The following HMCN1 variants were observed in gnomAD, a reference collection of about 807,000 sequenced individuals.
HMCN1 encodes hemicentin 1.
Under a neutral mutation model 625.9 loss-of-function variants are expected in HMCN1, and 321 were observed. The ratio of observed to expected loss-of-function variants is 0.51; its 90% CI spans 0.47 to 0.56. The LOEUF is 0.56. HMCN1 is among the 20% of genes least tolerant of loss of function. The pLI is 0.00. For missense variants in HMCN1, 6,588 were observed against 6,887.3 expected (o/e 0.96, Z 1.54); for synonymous variants, 2,425 against 2,417.6 (o/e 1.00, Z -0.09).
chr1:186,112,911 A>G lies in HMCN1; in HGVS notation c.11089A>G (p.Ile3697Val). Residue 3697 changes from isoleucine to valine, a missense_variant, in exon 72 of 107, where the codon ATT becomes GTT. Ile to Val is a conservative substitution (Grantham distance 29). Coordinates refer to ENST00000271588, the MANE Select transcript of HMCN1 (RefSeq NM_031935.3). ...TANYTCVASN[I>V]AGKTTREFIL... ...CAATTATACCTGTGTTGCCAGCAAC[A>G]TTGCAGGAAAGACTACAAGAGAATT... 1 of 1,614,158 alleles carries G rather than the reference A, an allele frequency of 6.2e-7. No homozygotes were observed. The highest frequency in any genetic ancestry group is 1.7e-5 in the Admixed American group (1 of 60,034).
At position 186,090,966 on chromosome 1, in the gene HMCN1, A is replaced by G. The variant is rs753728065; in HGVS notation, c.9887+49A>G. The G allele has an allele frequency of 1.9e-5, 29 of 1,525,050 alleles. No homozygotes were observed. In the Admixed American group the frequency reaches 4.4e-4, roughly 23 times the overall value. 94.5% of individuals were successfully genotyped at this position (1,525,050 alleles called of 1,614,324 possible). A position where few individuals can be genotyped will look rare whatever the true frequency, so the allele number is the denominator to read the frequency against. ...ATTATAAATTGTAAGCCCTTCTACA[A>G]TGCTTTATGCTTCAAATTTCACATG... On this transcript the variant is annotated intron_variant, in intron 64 of 106. Coordinates refer to ENST00000271588, the MANE Select transcript of HMCN1 (RefSeq NM_031935.3).
intron 76 of HMCN1, 146 bp from the exon 77 acceptor site, chr1:186,117,313 A>C: frequency 8.6e-7 from 1 of 1,161,718 alleles, no homozygotes; most frequent in Non-Finnish European, 1.2e-6. Context: ...CCCAGGTATT[A>C]ACCCAGAAAT....
chr1:185,814,734 C>G (rs1659739501), intron 1 of HMCN1, among the ~76,000 whole-genome samples: 1 of 148,702 alleles, frequency 6.7e-6, no homozygotes, highest in African/African-American at 2.6e-5. Flanking sequence ...CTCTGTAGCC[C>G]AGGCTGGAGT....
At chr1:186,001,571 A>G (rs1047114277) in intron 27 of HMCN1, 23 bp from the exon 28 acceptor site, 2 of 1,612,568 alleles carry the variant, frequency 1.2e-6, no homozygotes, top group African/African-American at 1.3e-5. Context: ...TGGAAATAAC[A>G]CTGACCATTT....
At chr1:185,836,368 T>C (rs1234815079) in intron 1 of HMCN1, among the ~76,000 whole-genome samples, 1 of 152,208 alleles carries the variant, frequency 6.6e-6, no homozygotes, top group African/African-American at 2.4e-5. Flanking sequence ...CTTTCAGCAC[T>C]TGTCCTTATG....
chr1:186,107,560 T>C lies in HMCN1; in HGVS notation c.10852+595T>C, dbSNP rs149536111. 3.7e-3 allele frequency among the ~76,000 whole-genome samples: 567 copies of C among 152,362 alleles called. 4 individuals carry two copies. The highest frequency in any genetic ancestry group is 0.013 in the African/African-American group (540 of 41,586). On this transcript the variant is annotated intron_variant, in intron 70 of 106. Transcript: ENST00000271588. ...ACTTGCTTTTATCTCAATGGTTTGG[T>C]GAACATTTTCATGTCAAGAAATACA...
intron 4 of HMCN1, among the ~76,000 whole-genome samples, chr1:185,866,907 A>G (rs1163295932): frequency 6.6e-6 from 1 of 151,486 alleles, no homozygotes; most frequent in Non-Finnish European, 1.5e-5. Flanking sequence ...CAGGATATGC[A>G]GGTTTGTTAC....
Position 186,112,938 on chromosome 1 carries a change from A to G in HMCN1, c.11116A>G (p.Ile3706Val), listed in dbSNP as rs1446153904. ...TGCAGGAAAGACTACAAGAGAATTT[A>G]TTCTCACTGTAAATGGTAAGAAAAG... is the stretch of plus-strand genomic sequence containing the variant. ...NIAGKTTREF[I>V]LTVNVPPNIK... Residue 3706 changes from isoleucine to valine, a missense_variant, in exon 72 of 107, where the codon ATT (isoleucine) becomes GTT (valine). Transcript: ENST00000271588. 6.2e-7 allele frequency: 1 copy of G among 1,613,974 alleles called. No individual in the cohort carries two copies. The highest frequency in any genetic ancestry group is 1.3e-5 in the African/African-American group (1 of 74,936).
At chr1:185,930,859 T>G (rs1468078850) in intron 10 of HMCN1, among the ~76,000 whole-genome samples, 1 of 151,672 alleles carries the variant, frequency 6.6e-6, no homozygotes, top group Admixed American at 6.6e-5. Context: ...TAAGTTATAT[T>G]AATTATCTGT....
At chr1:186,175,888 AAAAGAAAGAAAAGAAAAGAAAAG>A (rs1005736485) in intron 103 of HMCN1, among the ~76,000 whole-genome samples, 2 of 148,366 alleles carry the variant, frequency 1.3e-5, no homozygotes, top group Non-Finnish European at 3.0e-5. Flanking sequence ...AAAAAAAAAA[AAAAGAAAGAAAAGAAAAGAAAAG>A]AAAGAAAGAA....
At chr1:185,836,470 T>G (rs1428728200) in intron 1 of HMCN1, among the ~76,000 whole-genome samples, 1 of 152,180 alleles carries the variant, frequency 6.6e-6, no homozygotes, top group Non-Finnish European at 1.5e-5. Flanking sequence ...TTGGCTTATT[T>G]TTCTCCATGG....
At chr1:185,753,693 A>G (rs1654955299) in intron 1 of HMCN1, among the ~76,000 whole-genome samples, 1 of 152,066 alleles carries the variant, frequency 6.6e-6, no homozygotes, top group Non-Finnish European at 1.5e-5. Context: ...AACATTTCTT[A>G]TTTAAGAGTA....
chr1:185,894,603 T>C (rs1407426), intron 4 of HMCN1, among the ~76,000 whole-genome samples: 54,063 of 152,086 alleles, frequency 0.36, 12,583 homozygotes, highest in African/African-American at 0.66. Flanking sequence ...TTTACATTCC[T>C]GTCACCCATG....
chr1:185,897,389 A>G (rs1665548620), intron 4 of HMCN1, among the ~76,000 whole-genome samples: 1 of 152,144 alleles, frequency 6.6e-6, no homozygotes, highest in South Asian at 2.1e-4. Context: ...GAACTCCTTC[A>G]GTGACTTCCA....
intron 1 of HMCN1, among the ~76,000 whole-genome samples, chr1:185,804,882 G>T (rs897604799): frequency 5.3e-5 from 8 of 152,024 alleles, no homozygotes; most frequent in African/African-American, 1.9e-4. Context: ...GATTCCTGCT[G>T]TTAGAAAGTA....
chr1:185,905,056 C>T (rs1666020968), intron 4 of HMCN1, among the ~76,000 whole-genome samples: 2 of 151,894 alleles, frequency 1.3e-5, no homozygotes, highest in African/African-American at 4.8e-5. Flanking sequence ...AAATTAAATA[C>T]AATGTGATGC....
intron 4 of HMCN1, among the ~76,000 whole-genome samples, chr1:185,896,279 C>G (rs1665486868): frequency 1.3e-5 from 2 of 152,024 alleles, no homozygotes; most frequent in African/African-American, 4.8e-5. Flanking sequence ...GACATGAACT[C>G]TTTTTAATGT....
chr1:185,742,455 T>C (rs887867765), intron 1 of HMCN1, among the ~76,000 whole-genome samples: 1 of 152,172 alleles, frequency 6.6e-6, no homozygotes, highest in African/African-American at 2.4e-5. Context: ...CTTAGAATAT[T>C]TTTCTGAGCA....
At position 186,055,565 on chromosome 1, in the gene HMCN1, T is replaced by C; in HGVS notation, c.7035T>C (p.Gly2345=). ...KAKGVEILDE[G]HILQLKNIHV... ...AGGGAGTAGAAATACTGGATGAAGG[T>C]CACATCCTTCAGCTGAAGAACATTC... Residue 2345 remains glycine (G), a synonymous_variant, in exon 45 of 107, where the codon GGT becomes GGC. Coordinates refer to ENST00000271588, the MANE Select transcript of HMCN1 (RefSeq NM_031935.3). 6.2e-7 allele frequency: 1 copy of C among 1,612,458 alleles called. No individual in the cohort carries two copies. Among genetic ancestry groups the C allele is most frequent in the South Asian group, 1.1e-5 (1 of 91,062 alleles).
Sources: allele counts gnomAD v4.1 joint callset (sites outside exome capture counted in the v4.1 genomes callset), GRCh38; gene constraint gnomAD v4.1.1; transcripts MANE v1.5; gene names NCBI Gene and HGNC (gene_info 2026-07-23, HGNC 2026-07-21).